The following RNF144B variants were observed in gnomAD, a reference collection of about 807,000 sequenced individuals.
The protein encoded by RNF144B is ring finger protein 144B.
A neutral mutation model predicts 40.2 loss-of-function variants in RNF144B; 25 were observed. The ratio of observed to expected loss-of-function variants is 0.62; its 90% CI spans 0.45 to 0.87. The LOEUF is 0.87. Among genes scored for constraint, RNF144B ranks in the 40% least tolerant of loss-of-function variants. The pLI, the probability that RNF144B is intolerant of heterozygous loss-of-function variation, is 0.00. For missense variants in RNF144B, 365 were observed against 373.7 expected (o/e 0.98, Z 0.19); for synonymous variants, 145 against 136.3 (o/e 1.06, Z -0.44).
Position 18,419,267 on chromosome 6 carries a change from T to G in RNF144B, c.166-8314T>G, listed in dbSNP as rs1355934638. On this transcript the variant is annotated intron_variant, in intron 2 of 7. Coordinates refer to ENST00000259939, the MANE Select transcript of RNF144B (RefSeq NM_182757.4). The surrounding 1 kb of genome is among the most constrained non-coding windows in gnomAD (Gnocchi z 4.6). ...ACCCTTCCCAGTAGTGTCCCATATCTTCCAGTGTTTCTTGTCCATAAAAAC... is the reference window on the plus strand; with the variant it reads ...ACCCTTCCCAGTAGTGTCCCATATCGTCCAGTGTTTCTTGTCCATAAAAAC... Among the ~76,000 whole-genome samples the G allele has an allele frequency of 6.6e-6, 1 of 152,162 alleles. No individual in the cohort carries two copies. The highest frequency in any genetic ancestry group is 1.5e-5 in the Non-Finnish European group (1 of 68,026).
chr6:18,427,185 G>A (rs777032211), intron 2 of RNF144B, among the ~76,000 whole-genome samples: 3 of 152,192 alleles, frequency 2.0e-5, no homozygotes, highest in Non-Finnish European at 4.4e-5. Flanking sequence ...AAGGGTCACA[G>A]CGTTCTGTTC....
At position 18,459,385 on chromosome 6, in the gene RNF144B, G is replaced by A. The variant is rs1156682205; in HGVS notation, c.537-222G>A. ...TGACAAAATAGTGAGTTAAATCAGT[G>A]GTGGAAACTGTAATTATATAATTCA... is the stretch of plus-strand genomic sequence containing the variant. On this transcript the variant is annotated intron_variant, in intron 5 of 7. Transcript: ENST00000259939. This position sits in a 1 kb window ranked among gnomAD's most constrained non-coding sequence, Gnocchi z 4.2. Among the ~76,000 whole-genome samples the A allele has an allele frequency of 2.9e-5, 4 of 139,374 alleles. No homozygotes were observed. The highest frequency in any genetic ancestry group is 7.5e-5 in the African/African-American group (3 of 39,922). The allele number at this position is 139,374 out of a possible 152,430, so 91.4% of individuals were successfully genotyped here.
chr6:18,467,400 G>GTTTTTTTTTTTTTTTTTTTTTT lies in RNF144B; in HGVS notation c.*2352_*2353insTTTTTTTTTTTTTTTTTTTTTT, dbSNP rs66505065. 2.0e-5 allele frequency: 2 copies of GTTTTTTTTTTTTTTTTTTTTTT among 102,274 alleles called. No homozygotes were observed. The allele number at this position is 102,274 out of a possible 1,614,324, so 6.3% of individuals were successfully genotyped here. ...TTGTATCACTGAATTAGCTGCTTTT[G>GTTTTTTTTTTTTTTTTTTTTTT]TTTTTTTTTTTTTTTTTTTGCCAGG... On this transcript the variant is annotated 3_prime_UTR_variant, in exon 8 of 8. Transcript: ENST00000259939.
chr6:18,392,035 T>TAAAA (rs10643409), intron 1 of RNF144B, among the ~76,000 whole-genome samples: 34 of 71,082 alleles, frequency 4.8e-4, no homozygotes, highest in African/African-American at 1.1e-3. Context: ...CCATCTCTAC[T>TAAAA]AAAAAAAAAA....
Position 18,458,230 on chromosome 6 carries a change from A to T in RNF144B, c.536+871A>T, listed in dbSNP as rs1759374054. Among the ~76,000 whole-genome samples the T allele has an allele frequency of 6.6e-6, 1 of 152,150 alleles. No homozygotes were observed. Among genetic ancestry groups the T allele is most frequent in the African/African-American group, 2.4e-5 (1 of 41,452 alleles). On this transcript the variant is annotated intron_variant, in intron 5 of 7. Transcript: ENST00000259939. The surrounding 1 kb of genome is among the most constrained non-coding windows in gnomAD (Gnocchi z 4.8). ...TAGGATTACAGACATAAGCCACCAC[A>T]CTTGGGCGATACAGAGGGTTTTTAT...
At chr6:18,440,836 T>C (rs7774742) in intron 4 of RNF144B, among the ~76,000 whole-genome samples, 22,277 of 148,354 alleles carry the variant, frequency 0.15, 1,817 homozygotes, top group South Asian at 0.23. Context: ...AAACCAGATT[T>C]ATCTCATGGG....
At position 18,442,094 on chromosome 6, in the gene RNF144B, GGGCAA is replaced by G. The variant is rs1758978179; in HGVS notation, c.331+2353_331+2357del. ...AATTGGCAACATCCATCGTTATGTG[GGGCAA>G]GGTAGATGTGGAAAATCATTGGCTA... On this transcript the variant is annotated intron_variant, in intron 4 of 7. Transcript: ENST00000259939. This position sits in a 1 kb window ranked among gnomAD's most constrained non-coding sequence, Gnocchi z 4.3. 6.6e-6 allele frequency among the ~76,000 whole-genome samples: 1 copy of G among 151,880 alleles called. No individual in the cohort carries two copies. The highest frequency in any genetic ancestry group is 6.6e-5 in the Admixed American group (1 of 15,252).
rs1400028240 is a variant in RNF144B, at chr6:18,467,402, T to TTTTG, written c.*2338_*2339insGTTT. 9.4e-5 allele frequency: 12 copies of TTTTG among 128,122 alleles called. No individual in the cohort carries two copies. Among genetic ancestry groups the TTTTG allele is most frequent in the African/African-American group, 2.1e-4 (8 of 37,776 alleles). The allele number at this position is 128,122 out of a possible 1,614,324, so 7.9% of individuals were successfully genotyped here. On this transcript the variant is annotated 3_prime_UTR_variant, in exon 8 of 8. Transcript: ENST00000259939. ...GTATCACTGAATTAGCTGCTTTTGT[T>TTTTG]TTTTTTTTTTTTTTTTTGCCAGGGC...
At chr6:18,388,194 A>G (rs1794505712) in intron 1 of RNF144B, among the ~76,000 whole-genome samples, 1 of 152,326 alleles carries the variant, frequency 6.6e-6, no homozygotes, top group Non-Finnish European at 1.5e-5. Flanking sequence ...TTTCCCAGAA[A>G]TTAATTCCCT....
At chr6:18,433,093 G>C (rs549453891) in intron 3 of RNF144B, among the ~76,000 whole-genome samples, 9 of 152,228 alleles carry the variant, frequency 5.9e-5, no homozygotes, top group African/African-American at 2.2e-4. Flanking sequence ...CAGTGATAGG[G>C]AATCCAGGTG....
rs17628035 is a variant in RNF144B at position 18,440,016 on chromosome 6, A to G, written c.331+272A>G. Among the ~76,000 whole-genome samples, 6,167 of 152,264 alleles carry G rather than the reference A, an allele frequency of 0.041. 223 individuals are homozygous for G. Among genetic ancestry groups the G allele is most frequent in the Admixed American group, 0.11 (1,666 of 15,278 alleles). On this transcript the variant is annotated intron_variant, in intron 4 of 7. Transcript: ENST00000259939. ...GTAAGAAAGGTTTTGCAAAATTTAG[A>G]TGGCTTTATAATCACAATAATACAA...
intron 2 of RNF144B, among the ~76,000 whole-genome samples, chr6:18,401,498 T>C (rs1794801224): frequency 6.6e-6 from 1 of 152,224 alleles, no homozygotes; most frequent in Non-Finnish European, 1.5e-5. Flanking sequence ...CCTGGCATCC[T>C]GTTACCTGTT....
chr6:18,392,995 C>A (rs1794615693), intron 1 of RNF144B, among the ~76,000 whole-genome samples: 1 of 151,866 alleles, frequency 6.6e-6, no homozygotes. Context: ...ATGGCGGGCA[C>A]CTGTAGTCCC....
At chr6:18,390,045 A>G (rs1794550143) in intron 1 of RNF144B, among the ~76,000 whole-genome samples, 1 of 152,206 alleles carries the variant, frequency 6.6e-6, no homozygotes, top group Admixed American at 6.5e-5. Context: ...GCTGGGATAT[A>G]AAGATGGCTA....
intron 1 of RNF144B, among the ~76,000 whole-genome samples, chr6:18,396,156 T>G (rs1794690494): frequency 6.6e-6 from 1 of 152,232 alleles, no homozygotes; most frequent in South Asian, 2.1e-4. Flanking sequence ...GAGTAAAAAC[T>G]TACGTACTGT....
intron 6 of RNF144B, among the ~76,000 whole-genome samples, chr6:18,462,125 T>A (rs482539): frequency 0.96 from 146,822 of 152,234 alleles, 71,042 homozygotes; most frequent in East Asian, 1. Flanking sequence ...TAAAGCCTAC[T>A]TCTTTTCCTT....
At chr6:18,387,786 A>T (rs1794490623) in intron 1 of RNF144B, among the ~76,000 whole-genome samples, 156 bp downstream of exon 1, 1 of 152,356 alleles carries the variant, frequency 6.6e-6, no homozygotes, top group South Asian at 2.1e-4. Context: ...TTCATTCTGA[A>T]TGCCTTAAAC....
chr6:18,395,974 T>C lies in RNF144B; in HGVS notation c.-36-3525T>C, dbSNP rs2113456875. On this transcript the variant is annotated intron_variant, in intron 1 of 7. Transcript: ENST00000259939. The surrounding 1 kb of genome is among the most constrained non-coding windows in gnomAD (Gnocchi z 4.5). ...ATCTCAAGGAGATGAAATATGTAAC[T>C]TTTTTCCTCTATGTCACTGAGTCAT... Among the ~76,000 whole-genome samples the C allele has an allele frequency of 6.6e-6, 1 of 152,334 alleles. No individual in the cohort carries two copies. The highest frequency in any genetic ancestry group is 2.4e-5 in the African/African-American group (1 of 41,564).
rs1758964837 is a variant in RNF144B at position 18,441,487 on chromosome 6, C to A, written c.331+1743C>A. ...TCTCCCATGACTGCCTGTTACTTCC[C>A]TGGCTAACTTCACTGCCCCATATGT... On this transcript the variant is annotated intron_variant, in intron 4 of 7. Coordinates refer to ENST00000259939, the MANE Select transcript of RNF144B (RefSeq NM_182757.4). This position sits in a 1 kb window ranked among gnomAD's most constrained non-coding sequence, Gnocchi z 4.9. 6.6e-6 allele frequency among the ~76,000 whole-genome samples: 1 copy of A among 152,196 alleles called. No homozygotes were observed. Among genetic ancestry groups the A allele is most frequent in the African/African-American group, 2.4e-5 (1 of 41,456 alleles).
Sources: gnomAD v4.1 joint callset for allele counts (sites outside exome capture counted in the v4.1 genomes callset) on GRCh38, gnomAD v4.1.1 for gene constraint, Gnocchi (gnomAD v3.1) non-coding constraint, MANE v1.5 for transcripts, NCBI Gene and HGNC (gene_info 2026-07-23, HGNC 2026-07-21) for gene names.